Variants in TASOR observed in about 807,000 individuals in gnomAD.
The protein encoded by TASOR is protein TASOR.
A neutral mutation model predicts 178.6 loss-of-function variants in TASOR; 53 were observed. The ratio of observed to expected loss-of-function variants is 0.30; its 90% CI spans 0.24 to 0.37. The LOEUF (loss-of-function observed/expected upper bound fraction) is 0.37, where lower values mean the gene tolerates loss of function less well. Among genes scored for constraint, TASOR ranks in the 10% least tolerant of loss-of-function variants. TASOR has a pLI of 1.00. For missense variants in TASOR, 1,815 were observed against 1,971.4 expected (o/e 0.92, Z 1.50); for synonymous variants, 713 against 696.2 (o/e 1.02, Z -0.38).
In TASOR at chr3:56,650,236, C is replaced by T. The variant is rs562234137; in HGVS notation, c.1369-1179G>A. The stretch of plus-strand genomic sequence containing the variant: ...CTACTAAAACAATTCCAGTAAACAA[C>T]GCCTGTATAAAAACTAATAATTCAG... On this transcript the variant is annotated intron_variant, in intron 11 of 23. Coordinates refer to ENST00000683822, the MANE Select transcript of TASOR (RefSeq NM_001365635.2). 7.2e-5 allele frequency among the ~76,000 whole-genome samples: 11 copies of T among 152,308 alleles called. No individual in the cohort carries two copies. The South Asian group carries it at 1.9e-3, about 26-fold the overall frequency.
rs1211220765 is a variant in TASOR, at chr3:56,622,228, G to GCTAT, written c.*805_*808dup. On this transcript the variant is annotated 3_prime_UTR_variant, in exon 24 of 24. Coordinates refer to ENST00000683822, the MANE Select transcript of TASOR (RefSeq NM_001365635.2). ...GTTAGGAATAGATACGGGTTTGAAAGCTATCTCCACTGTATCTGTCTAGTA... is the reference window on the plus strand; with the variant it reads ...GTTAGGAATAGATACGGGTTTGAAAGCTATCTATCTCCACTGTATCTGTCTAGTA... 4 of 152,164 alleles carry GCTAT rather than the reference G, an allele frequency of 2.6e-5. No homozygotes were observed. Among genetic ancestry groups the GCTAT allele is most frequent in the East Asian group, 3.8e-4 (2 of 5,202 alleles). 9.4% of individuals were successfully genotyped at this position (152,164 alleles called of 1,614,324 possible). A position where few individuals can be genotyped will look rare whatever the true frequency, so the allele number is the denominator to read the frequency against.
chr3:56,672,707 C>T (rs773682960), intron 2 of TASOR, among the ~76,000 whole-genome samples: 1 of 152,172 alleles, frequency 6.6e-6, no homozygotes, highest in Non-Finnish European at 1.5e-5. Context: ...AAAAATGAAG[C>T]ATGTCCTAAA....
rs2107619680 is a variant in TASOR at position 56,665,721 on chromosome 3, C to A, written c.1022+539G>T. ...GTGCGGTGGCTGACGCCTGTAATCC[C>A]AGCACTTTGGGAGGTCGAGGCAGTA... On this transcript the variant is annotated intron_variant, in intron 7 of 23. Coordinates refer to ENST00000683822, the MANE Select transcript of TASOR (RefSeq NM_001365635.2). Among the ~76,000 whole-genome samples the A allele has an allele frequency of 2.0e-5, 3 of 152,080 alleles. No individual in the cohort carries two copies. In the South Asian group the frequency reaches 6.2e-4, roughly 32 times the overall value.
intron 14 of TASOR, among the ~76,000 whole-genome samples, chr3:56,642,268 G>C (rs1261446816): frequency 6.6e-6 from 1 of 152,142 alleles, no homozygotes; most frequent in Non-Finnish European, 1.5e-5. Context: ...AATGAAGCTA[G>C]GGTATTATAG....
At position 56,623,489 on chromosome 3, in the gene TASOR, A is replaced by G; in HGVS notation, c.4561T>C (p.Cys1521Arg). 6 of 1,612,978 alleles carry G rather than the reference A, an allele frequency of 3.7e-6. No individual in the cohort carries two copies. The highest frequency in any genetic ancestry group is 5.1e-6 in the Non-Finnish European group (6 of 1,179,968). ...CATATTTCTGAATGAAAATTGCTGC[A>G]TACTTCTATATGTGAGATTTCATCC... Reference protein sequence around the residue: ...SGDEISHIEVCSNFHSEIWEK... With the variant: ...SGDEISHIEVRSNFHSEIWEK... Residue 1521 changes from cysteine to arginine, a missense_variant, in exon 24 of 24, where the codon TGC becomes CGC. By Grantham distance (180) the Cys-to-Arg change is radical. Around this residue, in one of 5 missense-constraint regions of TASOR, gnomAD observed 278 missense variants for 257.1 expected, o/e 1.08. Coordinates refer to ENST00000683822, the MANE Select transcript of TASOR (RefSeq NM_001365635.2).
At chr3:56,664,802 T>C (rs78233198) in intron 7 of TASOR, among the ~76,000 whole-genome samples, 1,794 of 152,300 alleles carry the variant, frequency 0.012, 20 homozygotes, top group Middle Eastern at 0.061. Context: ...AAATGGTAAC[T>C]GCTTCCTATT....
intron 20 of TASOR, 80 bp downstream of exon 20, chr3:56,627,502 A>G (rs1042899697): frequency 1.4e-6 from 2 of 1,446,708 alleles, no homozygotes; most frequent in African/African-American, 2.8e-5. Flanking sequence ...TTATCTGTGA[A>G]TGGCAGAATA....
chr3:56,621,198 G>C lies in TASOR; in HGVS notation c.*1839C>G. ...ACAACAACAACAAAAAAAAAACACT[G>C]TATGTTAAGGGAGACTCCTTCAGTA... On this transcript the variant is annotated 3_prime_UTR_variant, in exon 24 of 24. Coordinates refer to ENST00000683822, the MANE Select transcript of TASOR (RefSeq NM_001365635.2). 5.9e-6 allele frequency: 1 copy of C among 170,570 alleles called. No individual in the cohort carries two copies. The highest frequency in any genetic ancestry group is 1.2e-5 in the Non-Finnish European group (1 of 80,732). The allele number at this position is 170,570 out of a possible 1,614,324, so 10.6% of individuals were successfully genotyped here. A position where few individuals can be genotyped will look rare whatever the true frequency, so the allele number is the denominator to read the frequency against.
In TASOR at chr3:56,666,183, G is replaced by A. The variant is rs1296474860; in HGVS notation, c.1022+77C>T. The A allele has an allele frequency of 2.5e-6, 3 of 1,201,104 alleles. No individual in the cohort carries two copies. The African/African-American group carries it at 4.8e-5, about 19-fold the overall frequency. The allele number at this position is 1,201,104 out of a possible 1,614,324, so 74.4% of individuals were successfully genotyped here. On this transcript the variant is annotated intron_variant, in intron 7 of 23. Transcript: ENST00000683822. Reference sequence around the variant, plus strand: ...AAAAAAAATGGGAAGGAAACAAAATGGTCCTCCTAACTCAGTAGTACAGGA... The same window carrying A: ...AAAAAAAATGGGAAGGAAACAAAATAGTCCTCCTAACTCAGTAGTACAGGA...
intron 5 of TASOR, 44 bp downstream of exon 5, chr3:56,669,651 CCAAAT>C: frequency 8.4e-7 from 1 of 1,185,592 alleles, no homozygotes; most frequent in Non-Finnish European, 1.2e-6. Flanking sequence ...AAATTAAAAT[CCAAAT>C]CAAGTGTAGT....
Position 56,627,156 on chromosome 3 carries a change from T to C in TASOR, c.4031-11A>G, listed in dbSNP as rs780535312. On this transcript the variant is annotated splice_polypyrimidine_tract_variant and intron_variant, in intron 20 of 23. Coordinates refer to ENST00000683822, the MANE Select transcript of TASOR (RefSeq NM_001365635.2). ...AATTTTTAAGGTTCTCTGTTAGAGA[T>C]AATGAAGTTTGTTTTTAATTCAATA... 3 of 1,470,678 alleles carry C rather than the reference T, an allele frequency of 2.0e-6. No homozygotes were observed. The Admixed American group carries it at 5.8e-5, about 28-fold the overall frequency. The allele number at this position is 1,470,678 out of a possible 1,614,324, so 91.1% of individuals were successfully genotyped here. A position where few individuals can be genotyped will look rare whatever the true frequency, so the allele number is the denominator to read the frequency against.
chr3:56,662,939 G>A (rs2077629031), intron 8 of TASOR, among the ~76,000 whole-genome samples: 1 of 152,156 alleles, frequency 6.6e-6, no homozygotes, highest in Non-Finnish European at 1.5e-5. Flanking sequence ...AGCACTTTGG[G>A]AGGCCGAGGC....
chr3:56,630,937 G>A (rs1454756671), intron 18 of TASOR, among the ~76,000 whole-genome samples: 11 of 132,018 alleles, frequency 8.3e-5, no homozygotes, highest in East Asian at 4.3e-4. Context: ...TGGGGGGTGC[G>A]GGGATGGAGG....
chr3:56,675,452 C>T (rs958230296), intron 1 of TASOR, among the ~76,000 whole-genome samples: 4 of 151,524 alleles, frequency 2.6e-5, no homozygotes, highest in African/African-American at 7.3e-5. Context: ...GCTGGGATTA[C>T]GGGCATGAGC....
intron 9 of TASOR, 55 bp downstream of exon 9, chr3:56,662,330 G>T: frequency 1.2e-6 from 1 of 865,642 alleles, no homozygotes; most frequent in South Asian, 1.6e-5. Flanking sequence ...TAAGGAAAAA[G>T]GCTCAAGAAA....
At chr3:56,653,510 A>G (rs534209231) in intron 11 of TASOR, among the ~76,000 whole-genome samples, 2 of 152,080 alleles carry the variant, frequency 1.3e-5, no homozygotes, top group African/African-American at 2.4e-5. Flanking sequence ...CAAAGGAACA[A>G]TTAGACTGAG....
chr3:56,623,754 C>T, intron 23 of TASOR, 188 bp from the exon 24 acceptor site: 2 of 1,549,376 alleles, frequency 1.3e-6, no homozygotes, highest in Non-Finnish European at 1.7e-6. Flanking sequence ...CCAGATAATC[C>T]GATGCTAAAA....
chr3:56,660,704 A>G, intron 11 of TASOR, 27 bp downstream of exon 11: 1 of 1,542,800 alleles, frequency 6.5e-7, no homozygotes, highest in Non-Finnish European at 8.9e-7. Flanking sequence ...ACAAAGAATG[A>G]GAAACATTAA....
At chr3:56,678,448 T>G (rs2031517895) in intron 1 of TASOR, among the ~76,000 whole-genome samples, 1 of 151,916 alleles carries the variant, frequency 6.6e-6, no homozygotes, top group African/African-American at 2.4e-5. Context: ...CTCAAAGTGC[T>G]GGGATTACAG....
Sources: gnomAD v4.1 joint callset for allele counts (sites outside exome capture counted in the v4.1 genomes callset) on GRCh38, gnomAD v4.1.1 for gene constraint, gnomAD v4.1.1 regional missense constraint, MANE v1.5 for transcripts, NCBI Gene and HGNC (gene_info 2026-07-23, HGNC 2026-07-21) for gene names.